Variants in DPP9 observed in about 807,000 individuals in gnomAD.
DPP9 encodes dipeptidyl peptidase 9.
A neutral mutation model predicts 110.7 loss-of-function variants in DPP9; 50 were observed. That is an observed-to-expected ratio of 0.45 (90% CI 0.36 to 0.57). The LOEUF is 0.57. Among genes scored for constraint, DPP9 ranks in the 20% least tolerant of loss-of-function variants. DPP9 has a pLI of 0.00. For missense variants in DPP9, 1,022 were observed against 1,217.9 expected (o/e 0.84, Z 2.39); for synonymous variants, 561 against 514.4 (o/e 1.09, Z -1.23).
At position 4,714,431 on chromosome 19, in the gene DPP9, A is replaced by G. The variant is rs1486000232; in HGVS notation, c.57-94T>C. 6 of 1,413,678 alleles carry G rather than the reference A, an allele frequency of 4.2e-6. No individual in the cohort carries two copies. The East Asian group carries it at 7.8e-5, about 18-fold the overall frequency. 87.6% of individuals were successfully genotyped at this position (1,413,678 alleles called of 1,614,324 possible). ...CCTTGCGAGGCACTCAGGTTCTTCC[A>G]GACGAGCCCCACCCCTGCCGCTTTC... On this transcript the variant is annotated intron_variant, in intron 3 of 21. Transcript: ENST00000262960.
intron 19 of DPP9, chr19:4,683,147 G>A (rs1323689541): frequency 9.7e-6 from 14 of 1,449,410 alleles, no homozygotes; most frequent in Admixed American, 4.5e-5. Context: ...CCTGACTGCC[G>A]CCGGCCTGGG....
intron 3 of DPP9, among the ~76,000 whole-genome samples, chr19:4,719,005 T>C (rs758509): frequency 0.99 from 150,879 of 152,062 alleles, 74,855 homozygotes; most frequent in East Asian, 1. Context: ...CCACACCTGA[T>C]TTTAGGGCAC....
chr19:4,685,430 A>C lies in DPP9; in HGVS notation c.2031+196T>G, dbSNP rs1209901326. 1 of 681,254 alleles carries C rather than the reference A, an allele frequency of 1.5e-6. No individual in the cohort carries two copies. The highest frequency in any genetic ancestry group is 1.6e-5 in the South Asian group (1 of 62,716). 42.2% of individuals were successfully genotyped at this position (681,254 alleles called of 1,614,324 possible). A position where few individuals can be genotyped will look rare whatever the true frequency, so the allele number is the denominator to read the frequency against. ...CATCCAGGAAGGGCGGGGAGCGTGC[A>C]AACGGGCACAGAGAAAGGAGGGTGA... On this transcript the variant is annotated intron_variant, in intron 17 of 21. Transcript: ENST00000262960. This position sits in a 1 kb window ranked among gnomAD's most constrained non-coding sequence, Gnocchi z 5.8.
rs568961611 is a variant in DPP9, at chr19:4,717,006, C to T, written c.57-2669G>A. On this transcript the variant is annotated intron_variant, in intron 3 of 21. Transcript: ENST00000262960. ...AGGGACATACGAAAGGCTCATGGGG[C>T]GGAAGACCCCTTGGGAAGGTGGCTT... is the stretch of plus-strand genomic sequence containing the variant. 1.8e-3 allele frequency among the ~76,000 whole-genome samples: 274 copies of T among 152,240 alleles called. 1 individual carries two copies. Among genetic ancestry groups the T allele is most frequent in the Middle Eastern group, 6.8e-3 (2 of 294 alleles).
At position 4,694,237 on chromosome 19, in the gene DPP9, T is replaced by A. The variant is rs2091585189; in HGVS notation, c.1516+424A>T. On this transcript the variant is annotated intron_variant, in intron 13 of 21. Coordinates refer to ENST00000262960, the MANE Select transcript of DPP9 (RefSeq NM_139159.5). This position sits in a 1 kb window ranked among gnomAD's most constrained non-coding sequence, Gnocchi z 4.0. ...TTTCTACAAAGGGCTAGACAGTAAA[T>A]CTTGGCCTTGCACAACAGTTTCTGC... The A allele has an allele frequency of 3.5e-6, 1 of 283,476 alleles. No homozygotes were observed. Among genetic ancestry groups the A allele is most frequent in the East Asian group, 6.2e-5 (1 of 16,056 alleles). 17.6% of individuals were successfully genotyped at this position (283,476 alleles called of 1,614,324 possible).
intron 2 of DPP9, among the ~76,000 whole-genome samples, chr19:4,720,298 C>G (rs1259654071): frequency 6.6e-6 from 1 of 152,202 alleles, no homozygotes; most frequent in Non-Finnish European, 1.5e-5. Context: ...GGTGACCTTG[C>G]CTACTTGCTT....
At position 4,702,644 on chromosome 19, in the gene DPP9, C is replaced by T. The variant is rs2092334081; in HGVS notation, c.842G>A (p.Arg281His). The T allele has an allele frequency of 3.7e-6, 6 of 1,604,218 alleles. No individual in the cohort carries two copies. Among genetic ancestry groups the T allele is most frequent in the Non-Finnish European group, 3.4e-6 (4 of 1,175,722 alleles). Residue 281 changes from arginine to histidine, a missense_variant, in exon 8 of 22, where the codon CGC becomes CAC. Arg to His is a conservative substitution (Grantham distance 29, BLOSUM62 0). This residue lies in a region of DPP9 where 810 missense variants were observed against 920.6 expected (regional missense o/e 0.88). Transcript: ENST00000262960. ...GGGGCACCACCAGTACCCAGTGAAG[C>T]GGTCGAACTCTTCCTGTATGACGAA... ...ATFVIQEEFD[R>H]FTGYWWCPTA...
At chr19:4,690,343 C>T (rs770176535) in intron 14 of DPP9, among the ~76,000 whole-genome samples, 8 of 152,224 alleles carry the variant, frequency 5.3e-5, no homozygotes, top group Admixed American at 6.5e-5. Context: ...CTCAGAGCCC[C>T]GAGGGAGGAG....
At chr19:4,699,858 A>G (rs926164539) in intron 10 of DPP9, among the ~76,000 whole-genome samples, 5 of 152,088 alleles carry the variant, frequency 3.3e-5, no homozygotes, top group African/African-American at 4.8e-5. Context: ...TGTTCTGGAA[A>G]CTTGGAGAGA....
At chr19:4,714,478 G>A (rs1204329420) in intron 3 of DPP9, 141 bp from the exon 4 acceptor site, 8 of 1,131,988 alleles carry the variant, frequency 7.1e-6, no homozygotes, top group African/African-American at 1.6e-5. Flanking sequence ...AACACTTCTT[G>A]GGTTGGTCTA....
chr19:4,679,568 G>C, intron 21 of DPP9: 1 of 499,310 alleles, frequency 2.0e-6, no homozygotes, highest in Non-Finnish European at 3.6e-6. Flanking sequence ...ATTAGGCCCG[G>C]AGCAGGGGTG....
intron 3 of DPP9, among the ~76,000 whole-genome samples, chr19:4,714,626 A>G (rs1461904088): frequency 6.6e-6 from 1 of 152,038 alleles, no homozygotes; most frequent in East Asian, 1.9e-4. Flanking sequence ...TCCTGGCCAC[A>G]AGCAATCCTC....
Position 4,676,428 on chromosome 19 carries a change from C to G in DPP9, c.*136G>C. 1 of 714,666 alleles carries G rather than the reference C, an allele frequency of 1.4e-6. No individual in the cohort carries two copies. Among genetic ancestry groups the G allele is most frequent in the Non-Finnish European group, 2.4e-6 (1 of 415,220 alleles). 44.3% of individuals were successfully genotyped at this position (714,666 alleles called of 1,614,324 possible). A position where few individuals can be genotyped will look rare whatever the true frequency, so the allele number is the denominator to read the frequency against. ...GGCGTCGGGGCGGTGAAGGCAGCGG[C>G]TCCTCGGGGCTGGCCAGCGCTGGGC... On this transcript the variant is annotated 3_prime_UTR_variant, in exon 22 of 22. Coordinates refer to ENST00000262960, the MANE Select transcript of DPP9 (RefSeq NM_139159.5). The surrounding 1 kb of genome is among the most constrained non-coding windows in gnomAD (Gnocchi z 4.0).
chr19:4,694,625 G>A lies in DPP9; in HGVS notation c.1516+36C>T, dbSNP rs370299535. 5 of 1,595,444 alleles carry A rather than the reference G, an allele frequency of 3.1e-6. No homozygotes were observed. The highest frequency in any genetic ancestry group is 2.3e-5 in the East Asian group (1 of 44,218). ...GCATATTGAACCACACGTGACTAACGCGATGAGTCGACAGCATTCGTCAGG... is the reference window on the plus strand; with the variant it reads ...GCATATTGAACCACACGTGACTAACACGATGAGTCGACAGCATTCGTCAGG... On this transcript the variant is annotated intron_variant, in intron 13 of 21. Transcript: ENST00000262960. This position sits in a 1 kb window ranked among gnomAD's most constrained non-coding sequence, Gnocchi z 4.0.
At chr19:4,697,182 A>G (rs2091881417) in intron 11 of DPP9, among the ~76,000 whole-genome samples, 1 of 151,820 alleles carries the variant, frequency 6.6e-6, no homozygotes, top group Non-Finnish European at 1.5e-5. Flanking sequence ...TCTCTCCTCG[A>G]CATGGGTGGG....
chr19:4,691,596 G>A lies in DPP9; in HGVS notation c.1517-639C>T, dbSNP rs532493327. Among the ~76,000 whole-genome samples, 25 of 152,136 alleles carry A rather than the reference G, an allele frequency of 1.6e-4. 1 individual carries two copies. The highest frequency in any genetic ancestry group is 1.0e-4 in the Non-Finnish European group (7 of 67,994). ...ACATCTGTGTGTGGCACGGGAAGGGGGGCGGGGAGTGTGGGGGAGGAGCCA... is the reference window on the plus strand; with the variant it reads ...ACATCTGTGTGTGGCACGGGAAGGGAGGCGGGGAGTGTGGGGGAGGAGCCA... On this transcript the variant is annotated intron_variant, in intron 13 of 21. Transcript: ENST00000262960.
rs748570777 is a variant in DPP9 at position 4,700,341 on chromosome 19, CG to C, written c.1013-65del. ...CACCCGTGTGTGCCGAGAGCCGGCA[CG>C]GGGGGCCTGGGCTGTGGGGTGACGT... On this transcript the variant is annotated intron_variant, in intron 9 of 21. Coordinates refer to ENST00000262960, the MANE Select transcript of DPP9 (RefSeq NM_139159.5). The surrounding 1 kb of genome is among the most constrained non-coding windows in gnomAD (Gnocchi z 4.3). 2.8e-4 allele frequency: 405 copies of C among 1,425,190 alleles called. 2 individuals carry two copies. Among genetic ancestry groups the C allele is most frequent in the South Asian group, 7.4e-4 (57 of 76,562 alleles). 88.3% of individuals were successfully genotyped at this position (1,425,190 alleles called of 1,614,324 possible).
intron 2 of DPP9, 125 bp downstream of exon 2, chr19:4,722,374 G>A (rs1247509830): frequency 3.8e-5 from 23 of 604,970 alleles, no homozygotes; most frequent in Non-Finnish European, 5.9e-5. Flanking sequence ...ACTGCCCTGC[G>A]GAGGACAACC....
chr19:4,712,035 C>T (rs973187826), intron 4 of DPP9, among the ~76,000 whole-genome samples: 14 of 152,116 alleles, frequency 9.2e-5, no homozygotes, highest in Admixed American at 3.3e-4. Flanking sequence ...TTCACAATGG[C>T]AGCCACAGAA....
Sources: gnomAD v4.1 joint callset for allele counts (sites outside exome capture counted in the v4.1 genomes callset) on GRCh38, gnomAD v4.1.1 for gene constraint, gnomAD v4.1.1 regional missense constraint, Gnocchi (gnomAD v3.1) non-coding constraint, MANE v1.5 for transcripts, NCBI Gene and HGNC (gene_info 2026-07-23, HGNC 2026-07-21) for gene names.